The following EPB41L3 variants were observed in gnomAD, a reference collection of about 807,000 sequenced individuals.
EPB41L3 encodes the protein band 4.1-like protein 3.
Under a neutral mutation model 127.1 loss-of-function variants are expected in EPB41L3, and 57 were observed. That is an observed-to-expected ratio of 0.45 (90% confidence interval 0.36 to 0.56). The LOEUF (loss-of-function observed/expected upper bound fraction) is 0.56, where lower values mean the gene tolerates loss of function less well. EPB41L3 is among the 20% of genes least tolerant of loss of function. EPB41L3 has a pLI of 0.00. For missense variants in EPB41L3, 1,273 were observed against 1,372.2 expected, an observed-to-expected ratio of 0.93 and a Z score of 1.14; for synonymous variants, 572 against 549.5, an observed-to-expected ratio of 1.04 and a Z score of -0.57.
At chr18:5,600,544 A>G (rs2094579517) in intron 3 of EPB41L3, among the ~76,000 whole-genome samples, 1 of 152,182 alleles carries the variant, frequency 6.6e-6, no homozygotes. Context: ...ACTTACATCC[A>G]TATTATTTTT....
chr18:5,472,120 A>T (rs2086254863), intron 3 of EPB41L3, among the ~76,000 whole-genome samples: 1 of 152,176 alleles, frequency 6.6e-6, no homozygotes, highest in African/African-American at 2.4e-5. Context: ...TGGACTATTA[A>T]AGTTTATTAC....
intron 1 of EPB41L3, among the ~76,000 whole-genome samples, chr18:5,624,390 T>C (rs1319392040): frequency 6.6e-6 from 1 of 152,220 alleles, no homozygotes; most frequent in African/African-American, 2.4e-5. Context: ...AGCTAGACTC[T>C]CCACATTCTA....
chr18:5,547,914 C>A (rs2093907385), upstream of EPB41L3, among the ~76,000 whole-genome samples: 1 of 152,182 alleles, frequency 6.6e-6, no homozygotes. Context: ...AATAGAGAAT[C>A]AGTCTGGTTA....
chr18:5,606,468 C>CTAT (rs1248245963), intron 3 of EPB41L3, among the ~76,000 whole-genome samples: 2 of 151,930 alleles, frequency 1.3e-5, no homozygotes, highest in Admixed American at 6.6e-5. Flanking sequence ...CAACAATGTA[C>CTAT]TATTGATGAG....
At chr18:5,402,775 T>C (rs949195815) in intron 16 of EPB41L3, among the ~76,000 whole-genome samples, 1 of 152,180 alleles carries the variant, frequency 6.6e-6, no homozygotes, top group African/African-American at 2.4e-5. Context: ...TTATTAATCT[T>C]AATATCATAA....
At position 5,474,532 on chromosome 18, in the gene EPB41L3, C is replaced by T. The variant is rs1286323916; in HGVS notation, c.381+3709G>A. ...AGGTGACTATAAATTCTCATGCTAC[C>T]GTCATGGCACAGTTGAGCCTTAATG... On this transcript the variant is annotated intron_variant, in intron 3 of 22. Coordinates refer to ENST00000341928, the MANE Select transcript of EPB41L3 (RefSeq NM_012307.5). Among the ~76,000 whole-genome samples the T allele has an allele frequency of 4.6e-5, 7 of 151,972 alleles. No individual in the cohort carries two copies. The South Asian group carries it at 1.0e-3, about 23-fold the overall frequency.
At chr18:5,453,553 G>A (rs1162090550) in intron 3 of EPB41L3, among the ~76,000 whole-genome samples, 1 of 152,138 alleles carries the variant, frequency 6.6e-6, no homozygotes, top group Admixed American at 6.5e-5. Context: ...ATGAAAATAT[G>A]GAGAGCTACA....
chr18:5,489,099 C>T lies in EPB41L3; in HGVS notation c.85G>A (p.Ala29Thr), dbSNP rs1469881115. 3.8e-6 allele frequency: 6 copies of T among 1,593,010 alleles called. No homozygotes were observed. In the Admixed American group the frequency reaches 7.1e-5, roughly 19 times the overall value. Residue 29 changes from alanine to threonine, a missense_variant, in exon 2 of 23, where the codon GCG (alanine) becomes ACG (threonine). By Grantham distance (58) the Ala-to-Thr change is moderately conservative (BLOSUM62 0). Transcript: ENST00000341928. Reference sequence around the variant, plus strand: ...GGCGGCTCCGGCACGGGCGCCCCCGCGCGCCCCTGCGCCCCCGCCGCCTCC... The same window carrying T: ...GGCGGCTCCGGCACGGGCGCCCCCGTGCGCCCCTGCGCCCCCGCCGCCTCC... ...PQEAAGAQGR[A>T]GAPVPEPPKE...
chr18:5,498,727 A>G (rs1278647519), intron 1 of EPB41L3, among the ~76,000 whole-genome samples: 3 of 152,156 alleles, frequency 2.0e-5, no homozygotes, highest in African/African-American at 7.2e-5. Flanking sequence ...CAGAGCATCA[A>G]TGATATACAT....
chr18:5,516,639 C>T lies in EPB41L3; in HGVS notation c.-12+27274G>A, dbSNP rs138235238. Among the ~76,000 whole-genome samples the T allele has an allele frequency of 5.3e-5, 8 of 152,320 alleles. No homozygotes were observed. The East Asian group carries it at 1.5e-3, about 29-fold the overall frequency. On this transcript the variant is annotated intron_variant, in intron 1 of 22. Transcript: ENST00000341928. ...TCGTGGATATCAGCTGGTATGAATA[C>T]AGGGAATGTAAATTCATTGCAGGAT...
intron 3 of EPB41L3, among the ~76,000 whole-genome samples, chr18:5,560,334 G>C (rs1391467260): frequency 6.6e-6 from 1 of 152,132 alleles, no homozygotes; most frequent in African/African-American, 2.4e-5. Context: ...TCTAGATTCA[G>C]CAACTTTAAG....
At chr18:5,411,300 AAAG>A (rs2076165953) in intron 13 of EPB41L3, among the ~76,000 whole-genome samples, 1 of 152,240 alleles carries the variant, frequency 6.6e-6, no homozygotes. Context: ...CCTCCAATAT[AAAG>A]AAGTATATTA....
chr18:5,557,113 G>C (rs1338389838), intron 3 of EPB41L3, among the ~76,000 whole-genome samples: 1 of 152,082 alleles, frequency 6.6e-6, no homozygotes, highest in African/African-American at 2.4e-5. Flanking sequence ...GAGGTGTGCT[G>C]AGCTTATAGA....
At chr18:5,565,668 T>A (rs2094190000) in intron 3 of EPB41L3, among the ~76,000 whole-genome samples, 1 of 133,988 alleles carries the variant, frequency 7.5e-6, no homozygotes, top group Non-Finnish European at 1.6e-5. Flanking sequence ...CCTTCCTGTG[T>A]CCATGTGTTC....
Position 5,394,556 on chromosome 18 carries a change from C to T in EPB41L3, c.*6+121G>A, listed in dbSNP as rs1403214091. Reference sequence around the variant, plus strand: ...ACCAATTCTCCATCCTCTTGGTAACCAGCCCAACAAATGCCAGTGAGAGAA... The same window carrying T: ...ACCAATTCTCCATCCTCTTGGTAACTAGCCCAACAAATGCCAGTGAGAGAA... On this transcript the variant is annotated intron_variant, in intron 22 of 22. Transcript: ENST00000341928. 3 of 707,594 alleles carry T rather than the reference C, an allele frequency of 4.2e-6. 1 individual carries two copies. The highest frequency in any genetic ancestry group is 8.3e-4 in the Middle Eastern group (2 of 2,410). 43.8% of individuals were successfully genotyped at this position (707,594 alleles called of 1,614,324 possible).
intron 3 of EPB41L3, among the ~76,000 whole-genome samples, chr18:5,592,346 T>C (rs1270977004): frequency 6.6e-6 from 1 of 152,138 alleles, no homozygotes; most frequent in Admixed American, 6.5e-5. Context: ...TTTGTACTTT[T>C]AGGAGAGACA....
chr18:5,404,410 A>G (rs2075021887), intron 16 of EPB41L3, among the ~76,000 whole-genome samples: 1 of 152,186 alleles, frequency 6.6e-6, no homozygotes, highest in African/African-American at 2.4e-5. Context: ...TTAAATAACC[A>G]AACTGCTTTG....
At chr18:5,502,776 C>T (rs527405518) in intron 1 of EPB41L3, among the ~76,000 whole-genome samples, 1 of 152,310 alleles carries the variant, frequency 6.6e-6, no homozygotes, top group Admixed American at 6.5e-5. Context: ...CCTGGGCCCC[C>T]ACTTGAGTTT....
intron 3 of EPB41L3, among the ~76,000 whole-genome samples, chr18:5,549,889 G>C (rs1478300877): frequency 6.6e-6 from 1 of 152,180 alleles, no homozygotes; most frequent in African/African-American, 2.4e-5. Context: ...TACGAGAGCT[G>C]AACTGAAGAT....
Sources: allele counts gnomAD v4.1 joint callset (sites outside exome capture counted in the v4.1 genomes callset), GRCh38; gene constraint gnomAD v4.1.1; transcripts MANE v1.5; gene names NCBI Gene and HGNC (gene_info 2026-07-23, HGNC 2026-07-21).